Variants in CHI3L2 observed in about 807,000 individuals in gnomAD.
CHI3L2 encodes chitinase 3 like 2.
Under a neutral mutation model 47.3 loss-of-function variants are expected in CHI3L2, and 47 were observed. The observed-to-expected ratio is 0.99, with a 90% confidence interval of 0.79 to 1.27. The LOEUF is 1.27. Among genes scored for constraint, CHI3L2 ranks in the 50% most tolerant of loss-of-function variants. The pLI, the probability that CHI3L2 is intolerant of heterozygous loss-of-function variation, is 0.00. For synonymous variants in CHI3L2, 198 were observed against 169.9 expected, an observed-to-expected ratio of 1.17 and a Z score of -1.28; for missense variants, 497 against 462.1, an observed-to-expected ratio of 1.08 and a Z score of -0.69.
chr1:111,236,953 G>A (rs902514410), intron 7 of CHI3L2, among the ~76,000 whole-genome samples: 9 of 152,204 alleles, frequency 5.9e-5, no homozygotes, highest in Non-Finnish European at 8.8e-5. Flanking sequence ...TTTTCTCGCT[G>A]TCTTTTGCTC....
chr1:111,238,175 G>A (rs1659938003), intron 7 of CHI3L2, among the ~76,000 whole-genome samples: 1 of 152,232 alleles, frequency 6.6e-6, no homozygotes, highest in Non-Finnish European at 1.5e-5. Flanking sequence ...ATGTTTCCCT[G>A]AAATGTATGA....
intron 7 of CHI3L2, among the ~76,000 whole-genome samples, chr1:111,237,318 C>A (rs562859270): frequency 6.6e-6 from 1 of 152,318 alleles, no homozygotes; most frequent in East Asian, 1.9e-4. Flanking sequence ...CAGGAATGAA[C>A]AAGGACAGCT....
In CHI3L2 at chr1:111,230,766, A is replaced by G. The variant is rs765847662; in HGVS notation, c.95A>G (p.Tyr32Cys). The G allele has an allele frequency of 5.6e-6, 9 of 1,614,094 alleles. No homozygotes were observed. Among genetic ancestry groups the G allele is most frequent in the Middle Eastern group, 3.3e-4 (2 of 6,062 alleles). The change falls in exon 3 of 11, where the codon TAC becomes TGC. Residue 32 changes from tyrosine to cysteine, a missense_variant. Coordinates refer to ENST00000369748, the MANE Select transcript of CHI3L2 (RefSeq NM_004000.3). ...QGGSAYKLVC[Y>C]FTNWSQDRQE... ...GGATCTGCCTACAAACTGGTTTGCT[A>G]CTTTACCAACTGGTCCCAGGACCGG...
intron 8 of CHI3L2, 91 bp from the exon 9 acceptor site, chr1:111,241,236 A>G (rs1406577511): frequency 3.8e-6 from 3 of 782,234 alleles, no homozygotes; most frequent in East Asian, 2.4e-5. Flanking sequence ...TATTTTCCCC[A>G]AGTCCCTAGT....
chr1:111,234,883 G>T (rs375694927), intron 4 of CHI3L2, 24 bp from the exon 5 acceptor site: 4 of 1,610,512 alleles, frequency 2.5e-6, no homozygotes, highest in Non-Finnish European at 3.4e-6. Context: ...TTTCCAAAAA[G>T]ACACTCGTAT....
At chr1:111,236,526 A>C (rs1659892684) in intron 7 of CHI3L2, among the ~76,000 whole-genome samples, 1 of 152,134 alleles carries the variant, frequency 6.6e-6, no homozygotes, top group African/African-American at 2.4e-5. Flanking sequence ...CTTTAAAAAA[A>C]CCCCATGAGG....
intron 1 of CHI3L2, 115 bp from the exon 2 acceptor site, chr1:111,229,737 G>A (rs12734614): frequency 7.8e-6 from 11 of 1,407,998 alleles, no homozygotes; most frequent in Non-Finnish European, 1.0e-5. Flanking sequence ...GGGGAGCCCA[G>A]ATGAAGTGTG....
intron 7 of CHI3L2, among the ~76,000 whole-genome samples, 164 bp downstream of exon 7, chr1:111,236,317 C>T (rs4839106): frequency 0.24 from 35,784 of 152,138 alleles, 4,809 homozygotes; most frequent in Middle Eastern, 0.4. Flanking sequence ...AGTGCTTTGA[C>T]CAGGCACCAA....
At position 111,227,720 on chromosome 1, in the gene CHI3L2, G is replaced by T. The variant is rs1659564893; in HGVS notation, c.-10G>T. ...GAGAATGTGTATCCCAGAAGAAGCT[G>T]GCCAAGGATATGGGAGCAACCACCA... is the stretch of plus-strand genomic sequence containing the variant. On this transcript the variant is annotated 5_prime_UTR_variant, in exon 1 of 11. Transcript: ENST00000369748. The T allele has an allele frequency of 3.1e-6, 5 of 1,613,988 alleles. No individual in the cohort carries two copies. Among genetic ancestry groups the T allele is most frequent in the Non-Finnish European group, 2.5e-6 (3 of 1,179,960 alleles).
intron 4 of CHI3L2, among the ~76,000 whole-genome samples, chr1:111,232,442 G>A (rs754468747): frequency 2.0e-5 from 3 of 152,174 alleles, no homozygotes; most frequent in Non-Finnish European, 2.9e-5. Context: ...GGAGATAGAC[G>A]TGTTTGGTTT....
chr1:111,231,634 A>T (rs1341598757), intron 4 of CHI3L2, among the ~76,000 whole-genome samples: 2 of 152,170 alleles, frequency 1.3e-5, no homozygotes, highest in African/African-American at 2.4e-5. Flanking sequence ...AATTTTTTTA[A>T]AAATCACTTG....
chr1:111,242,315 G>T lies in CHI3L2; in HGVS notation c.1124G>T (p.Gly375Val). The T allele has an allele frequency of 6.2e-7, 1 of 1,613,798 alleles. No individual in the cohort carries two copies. The highest frequency in any genetic ancestry group is 1.1e-5 in the South Asian group (1 of 91,018). The part of the protein sequence containing the change: ...DDFTGKSCNQ[G>V]PYPLVQAVKR... ...TTCACTGGCAAATCCTGCAACCAGG[G>T]CCCTTACCCTCTTGTCCAAGCAGTC... Residue 375 changes from glycine (G) to valine (V), a missense_variant, in exon 10 of 11, where the codon GGC becomes GTC. By Grantham distance (109) the Gly-to-Val change is moderately radical (BLOSUM62 -3). Coordinates refer to ENST00000369748, the MANE Select transcript of CHI3L2 (RefSeq NM_004000.3).
Position 111,243,435 on chromosome 1 carries a change from C to T in CHI3L2, c.*221C>T, listed in dbSNP as rs1034341881. The T allele has an allele frequency of 2.8e-6, 1 of 358,474 alleles. No homozygotes were observed. The highest frequency in any genetic ancestry group is 2.1e-5 in the African/African-American group (1 of 46,754). 22.2% of individuals were successfully genotyped at this position (358,474 alleles called of 1,614,324 possible). A position where few individuals can be genotyped will look rare whatever the true frequency, so the allele number is the denominator to read the frequency against. ...ACAATAAAAAAAATTCATTTTGCTC[C>T]AGTAAGTATGGCCTCATTTATTCAG... On this transcript the variant is annotated 3_prime_UTR_variant, in exon 11 of 11. Transcript: ENST00000369748.
At chr1:111,231,474 T>C (rs1659720511) in intron 4 of CHI3L2, 180 bp downstream of exon 4, 1 of 559,414 alleles carries the variant, frequency 1.8e-6, no homozygotes, top group Non-Finnish European at 3.2e-6. Flanking sequence ...CCTGGGGTCT[T>C]TGAAGGAATT....
chr1:111,242,771 A>G, intron 10 of CHI3L2: 1 of 168,512 alleles, frequency 5.9e-6, no homozygotes, highest in Non-Finnish European at 1.3e-5. Flanking sequence ...TCATTACCTG[A>G]GGCTCTTTTC....
chr1:111,239,686 T>A (rs150356944), intron 8 of CHI3L2, among the ~76,000 whole-genome samples: 2 of 152,304 alleles, frequency 1.3e-5, no homozygotes, highest in East Asian at 3.9e-4. Flanking sequence ...AGATAGATCA[T>A]AGGGATAACA....
At chr1:111,230,651 T>C (rs12068735) in intron 2 of CHI3L2, 91 bp from the exon 3 acceptor site, 166,609 of 1,048,852 alleles carry the variant, frequency 0.16, 14,816 homozygotes, top group Admixed American at 0.3. Flanking sequence ...GAGCAAATGA[T>C]GCAATGGCTG....
chr1:111,235,805 T>G (rs1294233695), intron 6 of CHI3L2, 42 bp downstream of exon 6: 1 of 1,605,470 alleles, frequency 6.2e-7, no homozygotes, highest in African/African-American at 1.3e-5. Context: ...TGCTTCCAAT[T>G]TGGTCCATGC....
chr1:111,233,170 A>G (rs1325284), intron 4 of CHI3L2, among the ~76,000 whole-genome samples: 37,951 of 152,052 alleles, frequency 0.25, 5,588 homozygotes, highest in Non-Finnish European at 0.34. Context: ...TGGCTTCAGA[A>G]TTCTAGTTCA....
Sources: gnomAD v4.1 joint callset for allele counts (sites outside exome capture counted in the v4.1 genomes callset) on GRCh38, gnomAD v4.1.1 for gene constraint, MANE v1.5 for transcripts, NCBI Gene and HGNC (gene_info 2026-07-23, HGNC 2026-07-21) for gene names.